ZNF497: variants seen among roughly 807,000 people sequenced by gnomAD.
ZNF497 encodes the protein zinc finger protein 497, also known as zinc finger-like protein.
For missense variants in ZNF497, 930 were observed against 714.0 expected (o/e 1.30, Z -3.45); for synonymous variants, 422 against 313.7 (o/e 1.35, Z -3.65).
chr19:58,358,759 C>T (rs541394985), intron 1 of ZNF497, 174 bp from the exon 2 acceptor site: 66 of 460,186 alleles, frequency 1.4e-4, no homozygotes, highest in African/African-American at 1.2e-3. Context: ...CAAGCCAAGA[C>T]CACCAAACTC....
chr19:58,357,449 C>A lies in ZNF497; in HGVS notation c.187G>T (p.Ala63Ser), dbSNP rs1357743642. 6.3e-7 allele frequency: 1 copy of A among 1,599,622 alleles called. No homozygotes were observed. Among genetic ancestry groups the A allele is most frequent in the Admixed American group, 1.7e-5 (1 of 58,398 alleles). The stretch of plus-strand genomic sequence containing the variant: ...CCGGGGCCTCCCTGTTCGTCCGCCG[C>A]CCCCAGTGTGGCTTGCTGCCGCTGG... The part of the protein sequence containing the change: ...DGQRQQATLG[A>S]ADEQGGPGRE... Residue 63 changes from alanine (A) to serine (S), a missense_variant, in exon 3 of 3, where the codon GCG becomes TCG. By Grantham distance (99) the Ala-to-Ser change is moderately conservative. Transcript: ENST00000311044.
chr19:58,358,263 G>A (rs2052051047), intron 2 of ZNF497: 5 of 1,289,808 alleles, frequency 3.9e-6, no homozygotes, highest in Non-Finnish European at 5.1e-6. Flanking sequence ...TCCAAGGCAT[G>A]GGGTGGCTGT....
At position 58,358,514 on chromosome 19, in the gene ZNF497, C is replaced by G; in HGVS notation, c.-40G>C. The G allele has an allele frequency of 8.4e-7, 1 of 1,184,406 alleles. No individual in the cohort carries two copies. The highest frequency in any genetic ancestry group is 1.1e-6 in the Non-Finnish European group (1 of 938,706). 73.4% of individuals were successfully genotyped at this position (1,184,406 alleles called of 1,614,324 possible). ...CTGGAGGTGGGGCCTGGAAGGGGCCCAGGGGAGCCTCTTGCTCCTCTCCCT... is the reference window on the plus strand; with the variant it reads ...CTGGAGGTGGGGCCTGGAAGGGGCCGAGGGGAGCCTCTTGCTCCTCTCCCT... On this transcript the variant is annotated 5_prime_UTR_variant, in exon 2 of 3. Transcript: ENST00000311044.
Position 58,355,875 on chromosome 19 carries a change from A to G in ZNF497, c.*264T>C. 2.2e-6 allele frequency: 1 copy of G among 455,626 alleles called. No homozygotes were observed. Among genetic ancestry groups the G allele is most frequent in the Middle Eastern group, 5.6e-4 (1 of 1,774 alleles). The allele number at this position is 455,626 out of a possible 1,614,324, so 28.2% of individuals were successfully genotyped here. Reference sequence around the variant, plus strand: ...TTCTTGCCCACCTCTGCATGGACGAACCTCTCGCCGAAGTGGAGCCTGCCG... The same window carrying G: ...TTCTTGCCCACCTCTGCATGGACGAGCCTCTCGCCGAAGTGGAGCCTGCCG... On this transcript the variant is annotated 3_prime_UTR_variant, in exon 3 of 3. Transcript: ENST00000311044.
intron 2 of ZNF497, chr19:58,358,274 G>A (rs927102528): frequency 7.8e-7 from 1 of 1,289,744 alleles, no homozygotes; most frequent in East Asian, 5.5e-5. Flanking sequence ...GGGTGGCTGT[G>A]CAGCCCAGAT....
rs915069589 is a variant in ZNF497, at chr19:58,354,900, G to C, written c.*1239C>G. On this transcript the variant is annotated 3_prime_UTR_variant, in exon 3 of 3. Transcript: ENST00000311044. ...CAGAACCTTTCAGCCCATTGGCAAT[G>C]AGGCTGCCCAGGCAGCCAGAGGCCT... The C allele has an allele frequency of 6.6e-6, 1 of 152,362 alleles. No individual in the cohort carries two copies. Among genetic ancestry groups the C allele is most frequent in the African/African-American group, 2.4e-5 (1 of 41,472 alleles). 9.4% of individuals were successfully genotyped at this position (152,362 alleles called of 1,614,324 possible). A position where few individuals can be genotyped will look rare whatever the true frequency, so the allele number is the denominator to read the frequency against.
rs1055901533 is a variant in ZNF497 at position 58,357,386 on chromosome 19, C to T, written c.250G>A (p.Ala84Thr). Residue 84 changes from alanine (A) to threonine (T), a missense_variant, in exon 3 of 3, where the codon GCT (alanine) becomes ACT (threonine). Physicochemically the swap from Ala to Thr is moderately conservative, Grantham distance 58. Transcript: ENST00000311044. ...TCTGCAGGCTCGCTCCTGGGCCCAG[C>T]CCCGTCCCGCCCACCGTCTGCGGGG... ...LGPADGGRDG[A>T]GPRSEPADRA... 4.4e-6 allele frequency: 7 copies of T among 1,592,530 alleles called. No homozygotes were observed. The African/African-American group carries it at 8.1e-5, about 18-fold the overall frequency.
At position 58,355,372 on chromosome 19, in the gene ZNF497, G is replaced by A. The variant is rs1006589660; in HGVS notation, c.*767C>T. The A allele has an allele frequency of 6.6e-6, 1 of 152,264 alleles. No individual in the cohort carries two copies. Among genetic ancestry groups the A allele is most frequent in the South Asian group, 2.1e-4 (1 of 4,832 alleles). The allele number at this position is 152,264 out of a possible 1,614,324, so 9.4% of individuals were successfully genotyped here. ...CAAAAAATTTTAAAATTAGCCAGGTGTAGTGACGCAAGTCTGTCATCCCAG... is the reference window on the plus strand; with the variant it reads ...CAAAAAATTTTAAAATTAGCCAGGTATAGTGACGCAAGTCTGTCATCCCAG... On this transcript the variant is annotated 3_prime_UTR_variant, in exon 3 of 3. Transcript: ENST00000311044.
chr19:58,354,597 G>T lies in ZNF497; in HGVS notation c.*1542C>A, dbSNP rs2051998030. 6.6e-6 allele frequency: 1 copy of T among 152,416 alleles called. No individual in the cohort carries two copies. Among genetic ancestry groups the T allele is most frequent in the Non-Finnish European group, 1.5e-5 (1 of 68,178 alleles). 9.4% of individuals were successfully genotyped at this position (152,416 alleles called of 1,614,324 possible). A position where few individuals can be genotyped will look rare whatever the true frequency, so the allele number is the denominator to read the frequency against. On this transcript the variant is annotated 3_prime_UTR_variant, in exon 3 of 3. Coordinates refer to ENST00000311044, the MANE Select transcript of ZNF497 (RefSeq NM_198458.3). ...AGCGGCTCTGGCTTCTGCTGTGAGG[G>T]ACGGGGAGCTGTGGAGACTCCCTCT...
At chr19:58,359,740 G>A (rs1379419348) in intron 1 of ZNF497, 2 of 239,562 alleles carry the variant, frequency 8.3e-6, no homozygotes, top group Non-Finnish European at 1.7e-5. Context: ...TTGGGAGGCC[G>A]AGGTGGGTGG....
At position 58,356,555 on chromosome 19, in the gene ZNF497, C is replaced by T. The variant is rs1199329615; in HGVS notation, c.1081G>A (p.Ala361Thr). 3.9e-6 allele frequency: 6 copies of T among 1,542,032 alleles called. No homozygotes were observed. The highest frequency in any genetic ancestry group is 5.2e-6 in the Non-Finnish European group (6 of 1,149,190). The change falls in exon 3 of 3, where the codon GCC becomes ACC. Residue 361 changes from alanine to threonine, a missense_variant. Physicochemically the swap from Ala to Thr is moderately conservative, Grantham distance 58. Coordinates refer to ENST00000311044, the MANE Select transcript of ZNF497 (RefSeq NM_198458.3). ...VHTGEKPHAC[A>T]QCGKAFSQRS... ...TGGCTGAAGGCCTTGCCGCACTGGGCGCACGCATGAGGCTTCTCGCCCGTG... is the reference window on the plus strand; with the variant it reads ...TGGCTGAAGGCCTTGCCGCACTGGGTGCACGCATGAGGCTTCTCGCCCGTG...
At chr19:58,358,198 G>A in intron 2 of ZNF497, 1 of 1,290,064 alleles carries the variant, frequency 7.8e-7, no homozygotes, top group Non-Finnish European at 1.0e-6. Context: ...GGATCTCAGT[G>A]GCTGTTACCC....
chr19:58,357,503 TGGA>T lies in ZNF497; in HGVS notation c.130_132del (p.Ser44del). 2.5e-6 allele frequency: 4 copies of T among 1,603,186 alleles called. No homozygotes were observed. The highest frequency in any genetic ancestry group is 3.4e-6 in the Non-Finnish European group (4 of 1,175,426). Reference sequence around the variant, plus strand: ...TCCCCTGCCTCCCTCGGAACCTCCGTGGAGTTTTCCCAGGCCCCCCAGCCTCCA... The same window carrying T: ...TCCCCTGCCTCCCTCGGAACCTCCGTGTTTTCCCAGGCCCCCCAGCCTCCA... On this transcript the variant is annotated inframe_deletion, in exon 3 of 3. Coordinates refer to ENST00000311044, the MANE Select transcript of ZNF497 (RefSeq NM_198458.3).
chr19:58,357,470 G>A lies in ZNF497; in HGVS notation c.166C>T (p.Arg56Trp). The A allele has an allele frequency of 6.3e-7, 1 of 1,593,556 alleles. No homozygotes were observed. The highest frequency in any genetic ancestry group is 1.7e-5 in the Admixed American group (1 of 57,424). The change falls in exon 3 of 3, where the codon CGG (arginine) becomes TGG (tryptophan). Residue 56 changes from arginine (R) to tryptophan (W), a missense_variant. Coordinates refer to ENST00000311044, the MANE Select transcript of ZNF497 (RefSeq NM_198458.3). ...GCCGCCCCCAGTGTGGCTTGCTGCC[G>A]CTGGCCGTCCCCTGCCTCCCTCGGA... ...EVPREAGDGQ[R>W]QQATLGAADE...
chr19:58,358,382 G>T, intron 2 of ZNF497, 107 bp downstream of exon 2: 1 of 1,189,190 alleles, frequency 8.4e-7, no homozygotes, highest in Non-Finnish European at 1.1e-6. Context: ...AGTCTCTACA[G>T]CGAGCAAAAC....
Position 58,356,327 on chromosome 19 carries a change from A to T in ZNF497, c.1309T>A (p.Ser437Thr). The T allele has an allele frequency of 3.2e-6, 5 of 1,571,258 alleles. No homozygotes were observed. The highest frequency in any genetic ancestry group is 4.3e-6 in the Non-Finnish European group (5 of 1,161,116). Residue 437 changes from serine (S) to threonine (T), a missense_variant, in exon 3 of 3, where the codon TCT (serine) becomes ACT (threonine). Coordinates refer to ENST00000311044, the MANE Select transcript of ZNF497 (RefSeq NM_198458.3). ...GCGCAGACGAACGGCCTCTCGCCAG[A>T]GTGCAGGCGCTGGTGCTGGCGCAGC... ...SELRQHQRLH[S>T]GERPFVCAHC... is the part of the protein sequence containing the mutation.
chr19:58,359,271 C>G, intron 1 of ZNF497: 1 of 1,290,124 alleles, frequency 7.8e-7, no homozygotes, highest in Non-Finnish European at 1.0e-6. Context: ...GCCATCCTGC[C>G]CCTTTCCTGG....
chr19:58,359,423 G>A (rs1295860465), intron 1 of ZNF497: 11 of 477,522 alleles, frequency 2.3e-5, no homozygotes, highest in Admixed American at 1.2e-4. Flanking sequence ...TGGGGGTATC[G>A]GCGTTTCTGG....
In ZNF497 at chr19:58,356,526, G is replaced by A. The variant is rs377735204; in HGVS notation, c.1110C>T (p.Arg370=). 5 of 1,549,026 alleles carry A rather than the reference G, an allele frequency of 3.2e-6. No individual in the cohort carries two copies. The highest frequency in any genetic ancestry group is 4.3e-6 in the Non-Finnish European group (5 of 1,152,736). ...TGCGCCGGTGGCTCAGTAGGTTGGA[G>A]CGCTGGCTGAAGGCCTTGCCGCACT... The part of the protein sequence containing the change: ...CAQCGKAFSQ[R]SNLLSHRRTH... Residue 370 remains arginine, a synonymous_variant, in exon 3 of 3, where the codon CGC becomes CGT. Transcript: ENST00000311044.
Sources: allele counts gnomAD v4.1 joint callset, GRCh38; gene constraint gnomAD v4.1.1; transcripts MANE v1.5; gene names NCBI Gene and HGNC (gene_info 2026-07-23, HGNC 2026-07-21).